Variants in GAA observed in about 807,000 individuals in gnomAD.
GAA encodes the protein alpha glucosidase, also known as lysosomal alpha-glucosidase.
A neutral mutation model predicts 103.9 loss-of-function variants in GAA; 88 were observed. That is an observed-to-expected ratio of 0.85 (90% CI 0.71 to 1.01). GAA has a LOEUF of 1.01. Among genes scored for constraint, GAA ranks in the 50% least tolerant of loss-of-function variants. The probability of loss-of-function intolerance (pLI) is 0.00; values close to 1 mark genes in which losing one functional copy is unlikely to be tolerated. For missense variants in GAA, 1,350 were observed against 1,305.3 expected, an observed-to-expected ratio of 1.03 and a Z score of -0.53; for synonymous variants, 572 against 563.1, an observed-to-expected ratio of 1.02 and a Z score of -0.22.
intron 2 of GAA, 145 bp from the exon 3 acceptor site, chr17:80,105,604 G>A (rs1009796820): frequency 1.2e-5 from 12 of 960,084 alleles, no homozygotes; most frequent in African/African-American, 3.2e-5. Context: ...TGAGGGAGCC[G>A]AGGCTCAGAG....
At chr17:80,105,281 G>A (rs1292430305) in intron 2 of GAA, 149 bp downstream of exon 2, 6 of 789,962 alleles carry the variant, frequency 7.6e-6, no homozygotes, top group South Asian at 1.8e-5. Context: ...CAATGGCAGC[G>A]CCCCTCGGGG....
At chr17:80,108,201 C>T in intron 5 of GAA, 89 bp from the exon 6 acceptor site, 27 of 1,606,958 alleles carry the variant, frequency 1.7e-5, no homozygotes, top group Non-Finnish European at 2.2e-5. Flanking sequence ...AGAGCCTCAA[C>T]TCTCCGCCTG....
chr17:80,105,833 G>A lies in GAA; in HGVS notation c.631G>A (p.Val211Met), dbSNP rs760995790. 63 of 1,609,928 alleles carry A rather than the reference G, an allele frequency of 3.9e-5. No homozygotes were observed. Among genetic ancestry groups the A allele is most frequent in the South Asian group, 3.5e-4 (32 of 91,086 alleles). The part of the protein sequence containing the change: ...HSRAPSPLYS[V>M]EFSEEPFGVI... ...CCGGGCACCGTCCCCACTCTACAGC[G>A]TGGAGTTCTCCGAGGAGCCCTTCGG... Residue 211 changes from valine (V) to methionine (M), a missense_variant, in exon 3 of 20, where the codon GTG (valine) becomes ATG (methionine). Transcript: ENST00000302262.
chr17:80,113,428 C>T (rs902837883), intron 15 of GAA, 62 bp downstream of exon 15: 32 of 1,430,426 alleles, frequency 2.2e-5, no homozygotes, highest in Non-Finnish European at 2.9e-5. Context: ...ACGTAACTCC[C>T]AGGCAGCCCT....
chr17:80,103,902 C>G (rs2039009828), intron 1 of GAA, among the ~76,000 whole-genome samples: 1 of 152,148 alleles, frequency 6.6e-6, no homozygotes, highest in African/African-American at 2.4e-5. Context: ...TACTGGGTCC[C>G]CCTAAGGACA....
chr17:80,112,540 G>C, intron 12 of GAA, 38 bp from the exon 13 acceptor site: 1 of 1,611,992 alleles, frequency 6.2e-7, no homozygotes, highest in South Asian at 1.1e-5. Flanking sequence ...GAGTGACCCC[G>C]CTCCACACAG....
rs2039015957 is a variant in GAA, at chr17:80,104,256, C to T, written c.-32-299C>T. On this transcript the variant is annotated intron_variant, in intron 1 of 19. Coordinates refer to ENST00000302262, the MANE Select transcript of GAA (RefSeq NM_000152.5). This position sits in a 1 kb window ranked among gnomAD's most constrained non-coding sequence, Gnocchi z 4.0. ...TCTGGCCCAGGCGACAGCTGTTTGG[C>T]CTGTTTCAAGTGTCTACCTGCCTTG... 6.6e-6 allele frequency among the ~76,000 whole-genome samples: 1 copy of T among 152,138 alleles called. No individual in the cohort carries two copies. The highest frequency in any genetic ancestry group is 1.5e-5 in the Non-Finnish European group (1 of 68,018).
chr17:80,105,281 GCCCCTCGGGGAGCAGTGGGGACACCAC>G (rs2143830972), intron 2 of GAA, 149 bp downstream of exon 2: 2 of 790,080 alleles, frequency 2.5e-6, no homozygotes, highest in Admixed American at 5.6e-5. Context: ...CAATGGCAGC[GCCCCTCGGGGAGCAGTGGGGACACCAC>G]GGTGACAGGT....
intron 15 of GAA, among the ~76,000 whole-genome samples, chr17:80,113,870 T>C (rs887123826): frequency 1.6e-4 from 24 of 145,602 alleles, no homozygotes; most frequent in African/African-American, 4.7e-4. Context: ...ATACAAAAAT[T>C]AGCCGTGCAT....
In GAA at chr17:80,117,713, C is replaced by T. The variant is rs755846997; in HGVS notation, c.2445C>T (p.Asn815=). The T allele has an allele frequency of 3.6e-5, 58 of 1,611,794 alleles. No individual in the cohort carries two copies. The highest frequency in any genetic ancestry group is 4.5e-5 in the East Asian group (2 of 44,878). ...TGCCGGCCCCCCTGGACACCATCAACGTCCACCTCCGGGCTGGGTACATCA... is the reference window on the plus strand; with the variant it reads ...TGCCGGCCCCCCTGGACACCATCAATGTCCACCTCCGGGCTGGGTACATCA... ...VTLPAPLDTI[N]VHLRAGYIIP... Residue 815 remains asparagine (N), a synonymous_variant, in exon 17 of 20, where the codon AAC becomes AAT. Transcript: ENST00000302262.
Position 80,112,871 on chromosome 17 carries a change from C to T in GAA, c.1889-5C>T, listed in dbSNP as rs794727115. On this transcript the variant is annotated splice_polypyrimidine_tract_variant and splice_region_variant and intron_variant, in intron 13 of 19. Transcript: ENST00000302262. ...CTGAGGACCAGCCTGACTCTGCCCT[C>T]CCAGAAATCCTGCAGTTTAACCTGC... The T allele has an allele frequency of 6.2e-7, 1 of 1,606,356 alleles. No individual in the cohort carries two copies. The highest frequency in any genetic ancestry group is 8.5e-7 in the Non-Finnish European group (1 of 1,176,594).
chr17:80,118,123 T>C lies in GAA; in HGVS notation c.2482-70T>C, dbSNP rs146100356. 9.6e-5 allele frequency: 149 copies of C among 1,556,920 alleles called. 1 individual carries two copies. In the African/African-American group the frequency reaches 1.9e-3, roughly 20 times the overall value. ...GCCTGGTGCTGTACCAGCCTAGCAT[T>C]CCCGGGCCCTGGAGGCCTCCACCTC... On this transcript the variant is annotated intron_variant, in intron 17 of 19. Transcript: ENST00000302262.
At chr17:80,112,235 C>A in intron 12 of GAA, 135 bp downstream of exon 12, 1 of 866,176 alleles carries the variant, frequency 1.2e-6, no homozygotes, top group Non-Finnish European at 1.9e-6. Flanking sequence ...CCCGAGTGCT[C>A]TCCCCACCCG....
chr17:80,107,413 C>A, intron 3 of GAA, 144 bp from the exon 4 acceptor site: 1 of 1,075,410 alleles, frequency 9.3e-7, no homozygotes, highest in Non-Finnish European at 1.4e-6. Context: ...GGCACGGCCG[C>A]CTGTCCCAGG....
intron 15 of GAA, among the ~76,000 whole-genome samples, chr17:80,115,233 G>C (rs2039333908): frequency 1.3e-5 from 2 of 152,154 alleles, no homozygotes. Context: ...GTGCCCAGGG[G>C]TCTTTGCAGC....
chr17:80,114,130 GA>G (rs1254344226), intron 15 of GAA, among the ~76,000 whole-genome samples: 6 of 144,822 alleles, frequency 4.1e-5, no homozygotes, highest in African/African-American at 1.0e-4. Flanking sequence ...GACCATAGCA[GA>G]AAAAAAAATG....
At chr17:80,115,968 G>A (rs375671708) in intron 15 of GAA, among the ~76,000 whole-genome samples, 36 of 152,304 alleles carry the variant, frequency 2.4e-4, no homozygotes, top group Middle Eastern at 3.4e-3. Flanking sequence ...CAGCCATTTT[G>A]TTAAATACAT....
intron 9 of GAA, among the ~76,000 whole-genome samples, chr17:80,110,348 G>A (rs1450488731): frequency 6.6e-6 from 1 of 152,136 alleles, no homozygotes; most frequent in Non-Finnish European, 1.5e-5. Flanking sequence ...AGCCCCCCAG[G>A]GGCCTCCAGG....
intron 16 of GAA, 40 bp downstream of exon 16, chr17:80,117,149 C>T (rs893966606): frequency 6.2e-7 from 1 of 1,603,002 alleles, no homozygotes; most frequent in South Asian, 1.1e-5. Flanking sequence ...GACGGGAGAC[C>T]AGAGCAGCCC....
Sources: gnomAD v4.1 joint callset for allele counts (sites outside exome capture counted in the v4.1 genomes callset) on GRCh38, gnomAD v4.1.1 for gene constraint, Gnocchi (gnomAD v3.1) non-coding constraint, MANE v1.5 for transcripts, NCBI Gene and HGNC (gene_info 2026-07-23, HGNC 2026-07-21) for gene names.